CUX1: variants seen among roughly 807,000 people sequenced by gnomAD.
The protein encoded by CUX1 is protein CASP.
A neutral mutation model predicts 158.8 loss-of-function variants in CUX1; 31 were observed. That is an observed-to-expected ratio of 0.20 (90% confidence interval 0.15 to 0.26). CUX1 has a LOEUF of 0.26. CUX1 is among the 10% of genes least tolerant of loss of function. The pLI, the probability that CUX1 is intolerant of heterozygous loss-of-function variation, is 1.00. For synonymous variants in CUX1, 879 were observed against 862.1 expected (o/e 1.02, Z -0.34); for missense variants, 1,589 against 2,014.6 (o/e 0.79, Z 4.04).
chr7:102,098,919 A>G (rs1829493881), intron 5 of CUX1, among the ~76,000 whole-genome samples: 1 of 148,460 alleles, frequency 6.7e-6, no homozygotes, highest in African/African-American at 2.5e-5. Flanking sequence ...TCAGCCTCCC[A>G]AAGTGCTGGG....
intron 1 of CUX1, among the ~76,000 whole-genome samples, chr7:101,822,070 G>A (rs1219353021): frequency 6.6e-6 from 1 of 151,948 alleles, no homozygotes; most frequent in Non-Finnish European, 1.5e-5. Flanking sequence ...TAGCCAGGAT[G>A]GTCTCGATCT....
chr7:101,990,980 A>T (rs1449108570), intron 2 of CUX1, among the ~76,000 whole-genome samples: 2 of 152,180 alleles, frequency 1.3e-5, no homozygotes, highest in Non-Finnish European at 2.9e-5. Flanking sequence ...GTATTTCCGC[A>T]TCTTTACGGA....
chr7:102,244,478 G>T (rs534987468), intron 23 of CUX1, among the ~76,000 whole-genome samples: 57 of 152,324 alleles, frequency 3.7e-4, no homozygotes, highest in African/African-American at 1.3e-3. Context: ...TGGGAGGATT[G>T]CTTGAGCCCA....
At chr7:102,199,098 T>A (rs1795111730) in intron 16 of CUX1, among the ~76,000 whole-genome samples, 1 of 152,116 alleles carries the variant, frequency 6.6e-6, no homozygotes, top group Admixed American at 6.6e-5. Flanking sequence ...ATTGCTAAGC[T>A]AAGCCCCCCG....
intron 4 of CUX1, among the ~76,000 whole-genome samples, chr7:102,085,714 A>G (rs782819791): frequency 6.6e-6 from 1 of 152,206 alleles, no homozygotes; most frequent in African/African-American, 2.4e-5. Context: ...GAAATATACA[A>G]CTATAGTTTT....
At chr7:102,152,394 CAT>C (rs1563317113) in intron 8 of CUX1, among the ~76,000 whole-genome samples, 1 of 151,982 alleles carries the variant, frequency 6.6e-6, no homozygotes, top group East Asian at 1.9e-4. Context: ...GAGTAACAAA[CAT>C]ACAGATTTTT....
chr7:102,211,163 G>T, intron 20 of CUX1, among the ~76,000 whole-genome samples: 1 of 152,062 alleles, frequency 6.6e-6, no homozygotes, highest in Non-Finnish European at 1.5e-5. Context: ...AAGCAGGCAG[G>T]GGCCAGGCGC....
At chr7:102,260,253 C>T (rs1487471977), downstream of CUX1, among the ~76,000 whole-genome samples, 6 of 150,468 alleles carry the variant, frequency 4.0e-5, no homozygotes, top group African/African-American at 1.5e-4. Flanking sequence ...TGCACCACCA[C>T]GCCTGGCTAA....
chr7:102,102,947 G>A (rs907114973), intron 5 of CUX1, among the ~76,000 whole-genome samples: 2 of 151,958 alleles, frequency 1.3e-5, no homozygotes, highest in Non-Finnish European at 2.9e-5. Context: ...GGAGGAGGGC[G>A]CAGGTGTAGT....
At chr7:102,267,831 T>C (rs1790921517) in intron 14 of CUX1, among the ~76,000 whole-genome samples, 1 of 152,084 alleles carries the variant, frequency 6.6e-6, no homozygotes, top group African/African-American at 2.4e-5. Flanking sequence ...CATGCCCGGC[T>C]AAGTTTTGTA....
At chr7:102,231,213 G>T (rs1798949865) in intron 21 of CUX1, among the ~76,000 whole-genome samples, 2 of 151,942 alleles carry the variant, frequency 1.3e-5, no homozygotes, top group Admixed American at 6.6e-5. Flanking sequence ...TGTATTTTTA[G>T]TAGAGACGGG....
chr7:102,283,048 C>T (rs200345816), exon 23 of CUX1: 9 of 1,613,384 alleles, frequency 5.6e-6, no homozygotes, highest in East Asian at 4.5e-5. Flanking sequence ...ACAAGTTCCA[C>T]GAGAATGACA....
chr7:101,947,961 C>G (rs950647393), intron 2 of CUX1, among the ~76,000 whole-genome samples: 1 of 152,174 alleles, frequency 6.6e-6, no homozygotes, highest in Non-Finnish European at 1.5e-5. Context: ...TCTGTTGCAC[C>G]TGATCTCCAG....
Position 102,249,294 on chromosome 7 carries a change from C to T in CUX1, c.*252C>T. On this transcript the variant is annotated 3_prime_UTR_variant, in exon 24 of 24. Transcript: ENST00000292535. Reference sequence around the variant, plus strand: ...GACCCTGCGGCCTCCACCAACCCCGCGGCCCAGACCCAGCCCGCGGCCTGG... The same window carrying T: ...GACCCTGCGGCCTCCACCAACCCCGTGGCCCAGACCCAGCCCGCGGCCTGG... 1 of 1,038,858 alleles carries T rather than the reference C, an allele frequency of 9.6e-7. No individual in the cohort carries two copies. Among genetic ancestry groups the T allele is most frequent in the Non-Finnish European group, 1.2e-6 (1 of 863,906 alleles). The allele number at this position is 1,038,858 out of a possible 1,614,324, so 64.4% of individuals were successfully genotyped here. A position where few individuals can be genotyped will look rare whatever the true frequency, so the allele number is the denominator to read the frequency against.
At chr7:102,095,056 G>A (rs1829037064) in intron 4 of CUX1, among the ~76,000 whole-genome samples, 1 of 151,766 alleles carries the variant, frequency 6.6e-6, no homozygotes, top group African/African-American at 2.4e-5. Context: ...CTGGAGTGCA[G>A]TGGCTCAATC....
chr7:102,089,044 G>A (rs555691442), intron 4 of CUX1, among the ~76,000 whole-genome samples: 2 of 151,884 alleles, frequency 1.3e-5, no homozygotes, highest in East Asian at 3.9e-4. Flanking sequence ...ATCTTTCTGT[G>A]TATTTCTGTT....
At position 101,837,081 on chromosome 7, in the gene CUX1, T is replaced by C. The variant is rs946625189; in HGVS notation, c.30+19412T>C. 4.2e-4 allele frequency among the ~76,000 whole-genome samples: 64 copies of C among 152,310 alleles called. 1 individual carries two copies. The highest frequency in any genetic ancestry group is 1.5e-3 in the African/African-American group (64 of 41,560). ...GCCACTATAATGAAAATCCAGGTCG[T>C]AGCAACTTGCCGTGCACGGCTTTGG... On this transcript the variant is annotated intron_variant, in intron 1 of 23. Coordinates refer to ENST00000292535, the MANE Select transcript of CUX1 (RefSeq NM_181552.4).
At chr7:102,103,687 G>C (rs1554487348) in intron 5 of CUX1, among the ~76,000 whole-genome samples, 2 of 151,884 alleles carry the variant, frequency 1.3e-5, no homozygotes, top group African/African-American at 4.8e-5. Flanking sequence ...CTCTCACGTT[G>C]GCCTCCTAAA....
intron 2 of CUX1, among the ~76,000 whole-genome samples, chr7:101,989,056 G>A (rs1814735259): frequency 6.6e-6 from 1 of 151,954 alleles, no homozygotes; most frequent in Non-Finnish European, 1.5e-5. Flanking sequence ...ATTTCCTACT[G>A]GAAGCAAGGC....
Sources: gnomAD v4.1 joint callset for allele counts (sites outside exome capture counted in the v4.1 genomes callset) on GRCh38, gnomAD v4.1.1 for gene constraint, MANE v1.5 for transcripts, NCBI Gene and HGNC (gene_info 2026-07-23, HGNC 2026-07-21) for gene names.